MROH9: variants seen among roughly 807,000 people sequenced by gnomAD.
MROH9 encodes maestro heat like repeat family member 9, also known as maestro heat-like repeat-containing protein family member 9.
In MROH9, 92 loss-of-function variants were observed where a neutral mutation model predicts 98.2. The observed-to-expected ratio is 0.94, with a 90% CI of 0.79 to 1.11. The LOEUF (loss-of-function observed/expected upper bound fraction) is 1.11. Ranked by LOEUF, MROH9 falls within the 50% of genes most tolerant of loss-of-function variation. MROH9 has a pLI of 0.00. For synonymous variants in MROH9, 397 were observed against 368.9 expected (o/e 1.08, Z -0.87); for missense variants, 1,057 against 1,014.8 (o/e 1.04, Z -0.57).
chr1:171,064,226 G>T lies in MROH9; in HGVS notation c.2472G>T (p.Leu824Phe). The T allele has an allele frequency of 4.5e-6, 7 of 1,551,374 alleles. No homozygotes were observed. The highest frequency in any genetic ancestry group is 5.2e-6 in the Non-Finnish European group (6 of 1,146,894). The change falls in exon 22 of 22, where the codon TTG (leucine) becomes TTT (phenylalanine). Residue 824 changes from leucine to phenylalanine, a missense_variant. Coordinates refer to ENST00000367759, the MANE Select transcript of MROH9 (RefSeq NM_001163629.2). ...SAPLKQNFQKLLKLFYIKKLK... is the reference protein window; with the variant it reads ...SAPLKQNFQKFLKLFYIKKLK... ...CTCTTAAACAAAACTTCCAAAAATT[G>T]CTTAAATTATTCTACATCAAAAAAT...
intron 15 of MROH9, among the ~76,000 whole-genome samples, chr1:170,999,953 A>G (rs1206386892): frequency 6.6e-6 from 1 of 152,016 alleles, no homozygotes; most frequent in Non-Finnish European, 1.5e-5. Context: ...GCATTTTTTC[A>G]TATGTTTGTT....
chr1:171,034,414 C>A (rs944227109), intron 20 of MROH9, among the ~76,000 whole-genome samples: 1 of 152,204 alleles, frequency 6.6e-6, no homozygotes, highest in African/African-American at 2.4e-5. Flanking sequence ...ATCTGCCAAT[C>A]AAGTCTCTAC....
intron 2 of MROH9, among the ~76,000 whole-genome samples, chr1:170,946,433 G>T (rs977677823): frequency 1.3e-5 from 2 of 151,954 alleles, no homozygotes; most frequent in Admixed American, 1.3e-4. Context: ...TAAATGCAAC[G>T]TGGAATCCTG....
chr1:170,951,151 G>T (rs560647734), intron 3 of MROH9, among the ~76,000 whole-genome samples: 5 of 152,052 alleles, frequency 3.3e-5, no homozygotes, highest in Non-Finnish European at 7.4e-5. Flanking sequence ...AAGTAGAGTA[G>T]TCCAAACACA....
chr1:170,949,305 G>C (rs1282436067), intron 3 of MROH9, among the ~76,000 whole-genome samples: 2 of 151,900 alleles, frequency 1.3e-5, no homozygotes, highest in African/African-American at 4.8e-5. Flanking sequence ...AATGGAGAGG[G>C]GTGGTCTAAA....
chr1:170,981,328 C>T (rs945758949), intron 8 of MROH9, among the ~76,000 whole-genome samples: 5 of 152,112 alleles, frequency 3.3e-5, no homozygotes, highest in Non-Finnish European at 7.3e-5. Flanking sequence ...TATTGCAGCA[C>T]TATTTACAAT....
In MROH9 at chr1:170,970,702, C is replaced by CTGTGTGTGTGTGTGTGTGTG. The variant is rs3980698; in HGVS notation, c.481-1035_481-1016dup. Among the ~76,000 whole-genome samples the CTGTGTGTGTGTGTGTGTGTG allele has an allele frequency of 6.2e-3, 733 of 118,302 alleles. 3 individuals are homozygous for CTGTGTGTGTGTGTGTGTGTG. The highest frequency in any genetic ancestry group is 0.015 in the Middle Eastern group (3 of 202). The allele number at this position is 118,302 out of a possible 152,430, so 77.6% of individuals were successfully genotyped here. On this transcript the variant is annotated intron_variant, in intron 7 of 21. Transcript: ENST00000367759. ...CTTCATATTTCTTCCTTAGGAATTT[C>CTGTGTGTGTGTGTGTGTGTG]TGTGTGTGTGTGTGTGTGTGTGTGT...
intron 20 of MROH9, among the ~76,000 whole-genome samples, chr1:171,028,406 AC>A (rs1270127920): frequency 6.6e-6 from 1 of 152,158 alleles, no homozygotes; most frequent in Non-Finnish European, 1.5e-5. Context: ...TGGTACCAGT[AC>A]CATGTTGTTT....
At chr1:170,947,748 G>A (rs1649389169) in intron 3 of MROH9, among the ~76,000 whole-genome samples, 175 bp downstream of exon 3, 1 of 151,990 alleles carries the variant, frequency 6.6e-6, no homozygotes, top group South Asian at 2.1e-4. Flanking sequence ...TGTCCCTGCA[G>A]CGTCATTTCT....
chr1:171,053,503 A>G (rs1458014195), intron 20 of MROH9, among the ~76,000 whole-genome samples: 3 of 152,218 alleles, frequency 2.0e-5, no homozygotes, highest in Admixed American at 6.5e-5. Context: ...CCCCTCTGAG[A>G]AAAGATAAAT....
chr1:171,039,466 C>G (rs1199648286), intron 20 of MROH9, among the ~76,000 whole-genome samples: 2 of 152,174 alleles, frequency 1.3e-5, no homozygotes, highest in Admixed American at 1.3e-4. Context: ...GCTCCTGCAA[C>G]CACTTCTACA....
In MROH9 at chr1:171,014,067, G is replaced by A. The variant is rs370036073; in HGVS notation, c.1597-50G>A. ...TATCTTGATTTTTATGACAGAAATCGTGCAGTGGCCTCTACTTTGCTTATA... is the reference window on the plus strand; with the variant it reads ...TATCTTGATTTTTATGACAGAAATCATGCAGTGGCCTCTACTTTGCTTATA... On this transcript the variant is annotated intron_variant, in intron 15 of 21. Transcript: ENST00000367759. 24 of 1,453,120 alleles carry A rather than the reference G, an allele frequency of 1.7e-5. No individual in the cohort carries two copies. The East Asian group carries it at 2.5e-4, about 15-fold the overall frequency. 90.0% of individuals were successfully genotyped at this position (1,453,120 alleles called of 1,614,324 possible). A position where few individuals can be genotyped will look rare whatever the true frequency, so the allele number is the denominator to read the frequency against.
At chr1:171,061,432 T>C (rs1488626905) in intron 20 of MROH9, among the ~76,000 whole-genome samples, 1 of 152,178 alleles carries the variant, frequency 6.6e-6, no homozygotes, top group Non-Finnish European at 1.5e-5. Context: ...TCATCATTCA[T>C]AATAGCTCCA....
At position 170,992,202 on chromosome 1, in the gene MROH9, C is replaced by T. The variant is rs199798529; in HGVS notation, c.1067C>T (p.Ala356Val). The stretch of plus-strand genomic sequence containing the variant: ...ATGTGGAAGGCGGCATGTTCTCAGG[C>T]GAGCGTGGCCCCTCACGTGCTGAAG... ...IQMWKAACSQ[A>V]SVAPHVLKTI... Residue 356 changes from alanine (A) to valine (V), a missense_variant, in exon 12 of 22, where the codon GCG (alanine) becomes GTG (valine). By Grantham distance (64) the Ala-to-Val change is moderately conservative. Transcript: ENST00000367759. 3.0e-5 allele frequency: 49 copies of T among 1,612,542 alleles called. No homozygotes were observed. The highest frequency in any genetic ancestry group is 5.3e-5 in the African/African-American group (4 of 74,944).
chr1:171,034,594 A>T (rs1653036162), intron 20 of MROH9, among the ~76,000 whole-genome samples: 1 of 152,228 alleles, frequency 6.6e-6, no homozygotes, highest in Non-Finnish European at 1.5e-5. Flanking sequence ...TGCTATTCAC[A>T]AATGCTTGTC....
At chr1:170,994,270 T>C (rs1651472416) in intron 12 of MROH9, among the ~76,000 whole-genome samples, 1 of 152,192 alleles carries the variant, frequency 6.6e-6, no homozygotes, top group Non-Finnish European at 1.5e-5. Context: ...ATGACCACAA[T>C]TATATAAGCT....
intron 20 of MROH9, among the ~76,000 whole-genome samples, chr1:171,046,554 G>A (rs1653478918): frequency 6.6e-6 from 1 of 152,026 alleles, no homozygotes; most frequent in Non-Finnish European, 1.5e-5. Flanking sequence ...AAACAAACAA[G>A]ATGCCTTAAT....
chr1:171,046,181 T>C (rs924163282), intron 20 of MROH9, among the ~76,000 whole-genome samples: 7 of 152,152 alleles, frequency 4.6e-5, no homozygotes, highest in Non-Finnish European at 1.0e-4. Context: ...ACTCTATGTG[T>C]GTCTTTATAG....
chr1:171,060,609 C>T (rs1571177371), intron 20 of MROH9, among the ~76,000 whole-genome samples: 1 of 152,166 alleles, frequency 6.6e-6, no homozygotes, highest in Admixed American at 6.5e-5. Flanking sequence ...TGACCACACA[C>T]AATTTACGTC....
Sources: allele counts gnomAD v4.1 joint callset (sites outside exome capture counted in the v4.1 genomes callset), GRCh38; gene constraint gnomAD v4.1.1; transcripts MANE v1.5; gene names NCBI Gene and HGNC (gene_info 2026-07-23, HGNC 2026-07-21).